MYOM1: variants seen among roughly 807,000 people sequenced by gnomAD.
MYOM1 encodes myomesin-1.
In MYOM1, 164 loss-of-function variants were observed where a neutral mutation model predicts 205.3. The ratio of observed to expected loss-of-function variants is 0.80; its 90% CI spans 0.70 to 0.91. The LOEUF is 0.91. Ranked by LOEUF, MYOM1 falls within the 40% of genes least tolerant of loss-of-function variation. MYOM1 has a pLI of 0.00. For missense variants in MYOM1, 2,011 were observed against 2,127.3 expected (o/e 0.95, Z 1.08); for synonymous variants, 772 against 789.4 (o/e 0.98, Z 0.37).
chr18:3,213,441 T>G (rs1314649815), intron 2 of MYOM1, among the ~76,000 whole-genome samples: 1 of 152,220 alleles, frequency 6.6e-6, no homozygotes, highest in East Asian at 1.9e-4. Context: ...TAGATAGATT[T>G]TAAATAAAAG....
At chr18:3,101,331 A>G (rs2079372462) in intron 23 of MYOM1, among the ~76,000 whole-genome samples, 1 of 152,246 alleles carries the variant, frequency 6.6e-6, no homozygotes, top group Admixed American at 6.5e-5. Flanking sequence ...AATGTGGTTG[A>G]CACTATGAAA....
intron 5 of MYOM1, among the ~76,000 whole-genome samples, chr18:3,176,692 C>A (rs1032993893): frequency 5.3e-5 from 8 of 150,960 alleles, no homozygotes; most frequent in African/African-American, 2.0e-4. Context: ...ACCAGCCTGG[C>A]CAACGTGGTG....
chr18:3,168,349 C>T (rs191220713), intron 9 of MYOM1, among the ~76,000 whole-genome samples: 11 of 152,110 alleles, frequency 7.2e-5, no homozygotes, highest in African/African-American at 2.4e-4. Flanking sequence ...AGTGCAATGG[C>T]GCCATCTCCA....
At chr18:3,151,559 T>C (rs1278493410) in intron 12 of MYOM1, 135 bp downstream of exon 12, 1 of 647,704 alleles carries the variant, frequency 1.5e-6, no homozygotes, top group African/African-American at 1.8e-5. Flanking sequence ...CCCCTCGGAT[T>C]TTCTGATGAA....
chr18:3,081,503 A>G (rs2079086259), intron 33 of MYOM1, among the ~76,000 whole-genome samples: 1 of 152,264 alleles, frequency 6.6e-6, no homozygotes, highest in African/African-American at 2.4e-5. Context: ...TAAGATACTT[A>G]TGCTTTGCTG....
At chr18:3,192,361 A>T (rs2080923188) in intron 3 of MYOM1, among the ~76,000 whole-genome samples, 1 of 152,256 alleles carries the variant, frequency 6.6e-6, no homozygotes, top group Non-Finnish European at 1.5e-5. Context: ...AATCAGAGAT[A>T]GCAAAGATAT....
At position 3,209,636 on chromosome 18, in the gene MYOM1, T is replaced by A. The variant is rs2081167799; in HGVS notation, c.290+5298A>T. ...TCCCTTGCATGGGCCTCGATGCTGT[T>A]CTGTGCTGGAAGGCCTGGCAGTGGC... On this transcript the variant is annotated intron_variant, in intron 2 of 37. Coordinates refer to ENST00000356443, the MANE Select transcript of MYOM1 (RefSeq NM_003803.4). This position sits in a 1 kb window ranked among gnomAD's most constrained non-coding sequence, Gnocchi z 4.0. 6.6e-6 allele frequency among the ~76,000 whole-genome samples: 1 copy of A among 152,212 alleles called. No individual in the cohort carries two copies. Among genetic ancestry groups the A allele is most frequent in the African/African-American group, 2.4e-5 (1 of 41,460 alleles).
At chr18:3,195,830 G>A (rs1341408119) in intron 2 of MYOM1, among the ~76,000 whole-genome samples, 2 of 151,796 alleles carry the variant, frequency 1.3e-5, no homozygotes, top group Non-Finnish European at 2.9e-5. Flanking sequence ...ATTCTCACAA[G>A]TAAATCACAG....
In MYOM1 at chr18:3,164,329, C is replaced by T; in HGVS notation, c.1450G>A (p.Val484Ile). The change falls in exon 10 of 38, where the codon GTA becomes ATA. Residue 484 changes from valine (V) to isoleucine (I), a missense_variant. Physicochemically the swap from Val to Ile is conservative, Grantham distance 29 (BLOSUM62 3). Coordinates refer to ENST00000356443, the MANE Select transcript of MYOM1 (RefSeq NM_003803.4). ...TGTTCATAATATTCTCCCATCCGTA[C>T]ACGGATTGTATAGAGGCCTTCATCT... ...KEDEGLYTIR[V>I]RMGEYYEQYS... The T allele has an allele frequency of 1.9e-6, 3 of 1,612,932 alleles. No individual in the cohort carries two copies. Among genetic ancestry groups the T allele is most frequent in the East Asian group, 2.2e-5 (1 of 44,884 alleles).
At chr18:3,081,742 A>T (rs961878735) in intron 33 of MYOM1, among the ~76,000 whole-genome samples, 1 of 152,232 alleles carries the variant, frequency 6.6e-6, no homozygotes, top group African/African-American at 2.4e-5. Context: ...AAAGAAACAG[A>T]ACAAAGGAAT....
chr18:3,223,446 T>G (rs910415925), upstream of MYOM1, among the ~76,000 whole-genome samples: 1 of 152,238 alleles, frequency 6.6e-6, no homozygotes, highest in Non-Finnish European at 1.5e-5. Context: ...TACTTCAGTG[T>G]TGACTAATTT....
In MYOM1 at chr18:3,089,542, T is replaced by C; in HGVS notation, c.4064A>G (p.Lys1355Arg). The C allele has an allele frequency of 6.2e-7, 1 of 1,607,798 alleles. No individual in the cohort carries two copies. The highest frequency in any genetic ancestry group is 8.5e-7 in the Non-Finnish European group (1 of 1,177,164). Residue 1355 changes from lysine to arginine, a missense_variant, in exon 28 of 38, where the codon AAA becomes AGA. Coordinates refer to ENST00000356443, the MANE Select transcript of MYOM1 (RefSeq NM_003803.4). ...TATCCACGGCCTATTTTTACCTTGT[T>C]TCCTGATCCATTCTTGCCGCTGGAA... is the stretch of plus-strand genomic sequence containing the variant. ...AEFQRQEWIR[K>R]QGPHFVEYLS...
chr18:3,112,449 T>A (rs770190014), intron 21 of MYOM1, 37 bp from the exon 22 acceptor site: 6 of 1,502,812 alleles, frequency 4.0e-6, no homozygotes, highest in Admixed American at 1.9e-5. Context: ...GGGTGTTTGA[T>A]GAAGCAGTGG....
At chr18:3,071,054 CGGCCTAGG>C (rs2078954055) in intron 37 of MYOM1, among the ~76,000 whole-genome samples, 1 of 151,686 alleles carries the variant, frequency 6.6e-6, no homozygotes, top group African/African-American at 2.4e-5. Context: ...CCACTGTGCC[CGGCCTAGG>C]GGCACATGCT....
the MYOM1 span, among the ~76,000 whole-genome samples, chr18:3,244,823 T>C: frequency 3.3e-5 from 5 of 151,072 alleles, no homozygotes; most frequent in African/African-American, 1.2e-4. Flanking sequence ...CACCTGAACC[T>C]AGGAGGCAGA....
At chr18:3,124,515 G>A (rs1364203363) in intron 19 of MYOM1, among the ~76,000 whole-genome samples, 1 of 151,688 alleles carries the variant, frequency 6.6e-6, no homozygotes, top group Non-Finnish European at 1.5e-5. Flanking sequence ...ATTTTTAGTA[G>A]AGACAGGGTT....
intron 10 of MYOM1, among the ~76,000 whole-genome samples, chr18:3,156,254 G>T (rs890091367): frequency 1.1e-4 from 16 of 152,226 alleles, no homozygotes; most frequent in African/African-American, 3.9e-4. Context: ...GCTGAGACAT[G>T]CAGGAGCCAC....
At chr18:3,156,771 C>A (rs7505172) in intron 10 of MYOM1, among the ~76,000 whole-genome samples, 14,728 of 152,044 alleles carry the variant, frequency 0.097, 1,554 homozygotes, top group African/African-American at 0.27. Context: ...CTATGCCCGG[C>A]TAATTTTTTT....
intron 25 of MYOM1, among the ~76,000 whole-genome samples, chr18:3,098,711 A>G (rs1475106507): frequency 2.0e-5 from 3 of 152,224 alleles, no homozygotes; most frequent in Non-Finnish European, 4.4e-5. Context: ...GAACAAAGAG[A>G]GTCCAGTCCA....
Sources: allele counts gnomAD v4.1 joint callset (sites outside exome capture counted in the v4.1 genomes callset), GRCh38; gene constraint gnomAD v4.1.1; non-coding constraint Gnocchi (gnomAD v3.1); transcripts MANE v1.5; gene names NCBI Gene and HGNC (gene_info 2026-07-23, HGNC 2026-07-21).